The following RAB38 variants were observed in gnomAD, a reference collection of about 807,000 sequenced individuals.
The protein encoded by RAB38 is ras-related protein Rab-38.
RAB38 carries 15 observed loss-of-function variants against 18.4 expected under a neutral mutation model. The ratio of observed to expected loss-of-function variants is 0.82; its 90% CI spans 0.55 to 1.26. The LOEUF (loss-of-function observed/expected upper bound fraction) is 1.26. Among genes scored for constraint, RAB38 ranks in the 50% most tolerant of loss-of-function variants. The pLI is 0.00. For missense variants in RAB38, 294 were observed against 267.4 expected (o/e 1.10, Z -0.69); for synonymous variants, 101 against 104.4 (o/e 0.97, Z 0.20).
the RAB38 span, among the ~76,000 whole-genome samples, chr11:88,069,331 C>T: frequency 6.6e-6 from 1 of 152,220 alleles, no homozygotes; most frequent in East Asian, 1.9e-4. Context: ...CCGGAGGGCC[C>T]CCCAGGGTGG....
At chr11:88,028,151 G>C in the RAB38 span, among the ~76,000 whole-genome samples, 1 of 152,172 alleles carries the variant, frequency 6.6e-6, no homozygotes, top group East Asian at 1.9e-4. Flanking sequence ...AACTCCAACA[G>C]ACCTGCAGCT....
chr11:87,806,510 G>A, the RAB38 span, among the ~76,000 whole-genome samples: 1 of 152,084 alleles, frequency 6.6e-6, no homozygotes, highest in South Asian at 2.1e-4. Context: ...GGAATATCTG[G>A]TTCAACATAT....
At position 88,113,930 on chromosome 11, in the gene RAB38, G is replaced by A. The variant is rs565144238; in HGVS notation, c.*58C>T. On this transcript the variant is annotated 3_prime_UTR_variant, in exon 3 of 3. Transcript: ENST00000243662. ...ACGTTTACCCAAAATGGTAAAAATA[G>A]AGGCACAATTTGTGGAACAATGAGG... The A allele has an allele frequency of 5.6e-6, 9 of 1,598,238 alleles. No homozygotes were observed. In the East Asian group the frequency reaches 2.0e-4, roughly 36 times the overall value.
the RAB38 span, among the ~76,000 whole-genome samples, chr11:88,067,561 C>T: frequency 1.4e-3 from 208 of 152,142 alleles, no homozygotes; most frequent in Non-Finnish European, 2.5e-3. Context: ...AAGCTTGGTG[C>T]TTTTTGCACA....
At chr11:88,154,399 T>G (rs909137778) in intron 1 of RAB38, among the ~76,000 whole-genome samples, 8 of 152,090 alleles carry the variant, frequency 5.3e-5, no homozygotes, top group Non-Finnish European at 1.2e-4. Context: ...GTCACAACCT[T>G]GGGACAGGAG....
chr11:87,910,633 CTTT>C, the RAB38 span, among the ~76,000 whole-genome samples: 194 of 131,184 alleles, frequency 1.5e-3, no homozygotes, highest in African/African-American at 6.5e-3. Flanking sequence ...AGTTCATTTT[CTTT>C]TTTTTTTTTT....
At chr11:87,827,820 C>G in the RAB38 span, among the ~76,000 whole-genome samples, 11 of 152,254 alleles carry the variant, frequency 7.2e-5, no homozygotes, top group African/African-American at 2.6e-4. Flanking sequence ...AGAAGCTGCT[C>G]TAAACTGTAC....
At chr11:87,806,559 A>G in the RAB38 span, among the ~76,000 whole-genome samples, 1 of 152,236 alleles carries the variant, frequency 6.6e-6, no homozygotes, top group Non-Finnish European at 1.5e-5. Context: ...GTATAGAAGC[A>G]TGCTATTATA....
the RAB38 span, among the ~76,000 whole-genome samples, chr11:87,959,109 C>T: frequency 1.3e-5 from 2 of 152,056 alleles, no homozygotes; most frequent in Non-Finnish European, 2.9e-5. Context: ...GATTAAGATC[C>T]CTACCTTCAG....
chr11:88,042,542 TCCCAGGC>T, the RAB38 span, among the ~76,000 whole-genome samples: 8 of 152,256 alleles, frequency 5.3e-5, no homozygotes, highest in East Asian at 1.4e-3. Flanking sequence ...GGAGGTTAAT[TCCCAGGC>T]ACAGTGCCTG....
chr11:88,028,593 A>T, the RAB38 span, among the ~76,000 whole-genome samples: 3 of 152,252 alleles, frequency 2.0e-5, no homozygotes, highest in Admixed American at 2.0e-4. Context: ...CAGAAGCCTC[A>T]GGAGCCGATG....
At chr11:87,930,490 A>G in the RAB38 span, among the ~76,000 whole-genome samples, 4 of 152,128 alleles carry the variant, frequency 2.6e-5, no homozygotes, top group East Asian at 1.9e-4. Context: ...AGTAGATTGC[A>G]AAAATTTTCT....
At chr11:87,861,956 C>T in the RAB38 span, among the ~76,000 whole-genome samples, 1 of 152,020 alleles carries the variant, frequency 6.6e-6, no homozygotes, top group East Asian at 1.9e-4. Context: ...ATCAAAACCA[C>T]AGTGAGATAC....
the RAB38 span, among the ~76,000 whole-genome samples, chr11:87,915,855 G>A: frequency 6.6e-6 from 1 of 152,078 alleles, no homozygotes; most frequent in Non-Finnish European, 1.5e-5. Context: ...ACTGCTTGAG[G>A]CCTTGGGAGT....
chr11:87,938,992 A>T, the RAB38 span, among the ~76,000 whole-genome samples: 1 of 152,140 alleles, frequency 6.6e-6, no homozygotes, highest in East Asian at 1.9e-4. Context: ...TTAACGTTGC[A>T]CTTTACTAAA....
At chr11:88,156,469 C>G (rs553310592) in intron 1 of RAB38, among the ~76,000 whole-genome samples, 17 of 152,164 alleles carry the variant, frequency 1.1e-4, no homozygotes, top group African/African-American at 4.1e-4. Flanking sequence ...TTTGGGAGGC[C>G]GAGGCAGGCG....
At chr11:87,956,503 A>G in the RAB38 span, among the ~76,000 whole-genome samples, 2 of 152,006 alleles carry the variant, frequency 1.3e-5, no homozygotes, top group African/African-American at 2.4e-5. Context: ...CTCCTGCCCC[A>G]TGGTCTCTCA....
intron 2 of RAB38, among the ~76,000 whole-genome samples, chr11:88,115,154 T>C (rs1185632609): frequency 6.6e-6 from 1 of 152,182 alleles, no homozygotes; most frequent in African/African-American, 2.4e-5. Flanking sequence ...ATAAATATCT[T>C]TGATTAGGTA....
the RAB38 span, among the ~76,000 whole-genome samples, chr11:87,862,991 C>G: frequency 6.6e-6 from 1 of 152,000 alleles, no homozygotes; most frequent in East Asian, 1.9e-4. Flanking sequence ...TCCATCTGCA[C>G]TAATCACTGA....
Sources: gnomAD v4.1 joint callset for allele counts (sites outside exome capture counted in the v4.1 genomes callset) on GRCh38, gnomAD v4.1.1 for gene constraint, MANE v1.5 for transcripts, NCBI Gene and HGNC (gene_info 2026-07-23, HGNC 2026-07-21) for gene names.